Variants in TLK2 observed in about 807,000 individuals in gnomAD.
TLK2 encodes the protein serine/threonine-protein kinase tousled-like 2.
TLK2 carries 6 observed loss-of-function variants against 117.3 expected under a neutral mutation model. That is an observed-to-expected ratio of 0.05 (90% CI 0.03 to 0.10). The LOEUF (loss-of-function observed/expected upper bound fraction) is 0.10. Among genes scored for constraint, TLK2 ranks in the 10% least tolerant of loss-of-function variants. The pLI is 1.00. For synonymous variants in TLK2, 257 were observed against 316.7 expected (o/e 0.81, Z 2.00); for missense variants, 299 against 901.2 (o/e 0.33, Z 8.56).
At chr17:62,606,026 A>C (rs1021230403) in intron 19 of TLK2, 104 bp from the exon 20 acceptor site, 2 of 407,256 alleles carry the variant, frequency 4.9e-6, no homozygotes, top group Admixed American at 4.4e-5. Flanking sequence ...AAAAAAAAAA[A>C]CGATATTTCT....
intron 11 of TLK2, chr17:62,572,992 A>T: frequency 2.1e-6 from 1 of 471,742 alleles, no homozygotes; most frequent in Non-Finnish European, 3.8e-6. Context: ...TCCACTCTGA[A>T]AATAGTAATA....
At chr17:62,576,966 C>CTTTTTTTTTTTTTTTTT (rs59523807) in intron 13 of TLK2, among the ~76,000 whole-genome samples, 191 bp downstream of exon 13, 92 of 115,906 alleles carry the variant, frequency 7.9e-4, no homozygotes, top group Middle Eastern at 5.2e-3. Flanking sequence ...CTTTCTTCTT[C>CTTTTTTTTTTTTTTTTT]TTTTTTTTTT....
intron 2 of TLK2, among the ~76,000 whole-genome samples, chr17:62,484,043 C>T (rs1489064783): frequency 6.6e-6 from 1 of 151,878 alleles, no homozygotes; most frequent in African/African-American, 2.4e-5. Context: ...AGGCTGATCT[C>T]GAACTCCCGA....
intron 2 of TLK2, among the ~76,000 whole-genome samples, chr17:62,504,553 G>A (rs3095780): frequency 2.0e-3 from 312 of 152,252 alleles, no homozygotes; most frequent in African/African-American, 7.3e-3. Context: ...CCTATAATCT[G>A]TGCACTTTGG....
intron 5 of TLK2, among the ~76,000 whole-genome samples, chr17:62,523,553 G>T (rs1238508451): frequency 6.6e-6 from 1 of 152,178 alleles, no homozygotes; most frequent in Admixed American, 6.5e-5. Flanking sequence ...TCCAGCCTGG[G>T]TGACAGTGAG....
In TLK2 at chr17:62,576,739, A is replaced by G. The variant is rs763267512; in HGVS notation, c.1152A>G (p.Glu384=). Residue 384 remains glutamate (E), a synonymous_variant, in exon 13 of 22, where the codon GAA becomes GAG. Coordinates refer to ENST00000346027, the MANE Select transcript of TLK2 (RefSeq NM_006852.6). ...CGTTAGCAGAATACCATGAACAAGA[A>G]GAAATCTTCAAACTCAGATTAGGTC... The part of the protein sequence containing the change: ...TLTLAEYHEQ[E]EIFKLRLGHL... 6.2e-7 allele frequency: 1 copy of G among 1,613,658 alleles called. No individual in the cohort carries two copies. Among genetic ancestry groups the G allele is most frequent in the African/African-American group, 1.3e-5 (1 of 75,042 alleles).
chr17:62,541,636 C>T (rs935381727), intron 7 of TLK2, among the ~76,000 whole-genome samples: 11 of 152,120 alleles, frequency 7.2e-5, no homozygotes, highest in Non-Finnish European at 1.5e-4. Flanking sequence ...AGAGAGGTCT[C>T]GCTATGTTGC....
chr17:62,604,320 AAAG>A (rs1427709143), intron 19 of TLK2, among the ~76,000 whole-genome samples: 3 of 151,990 alleles, frequency 2.0e-5, no homozygotes, highest in African/African-American at 7.2e-5. Context: ...TACTTATTTT[AAAG>A]AAGTGACCCA....
chr17:62,484,588 G>A (rs1452700144), intron 2 of TLK2, among the ~76,000 whole-genome samples: 2 of 151,974 alleles, frequency 1.3e-5, no homozygotes, highest in Non-Finnish European at 2.9e-5. Flanking sequence ...GTGAGCCATC[G>A]CGCCCAGCCT....
chr17:62,508,882 C>T (rs1421917602), intron 2 of TLK2, among the ~76,000 whole-genome samples: 1 of 152,046 alleles, frequency 6.6e-6, no homozygotes, highest in African/African-American at 2.4e-5. Context: ...GCACAAGAAT[C>T]GCTTGAACCC....
chr17:62,520,985 C>CA, intron 3 of TLK2, 141 bp downstream of exon 3: 1 of 899,872 alleles, frequency 1.1e-6, no homozygotes, highest in South Asian at 1.5e-5. Flanking sequence ...CCAGCCTGGG[C>CA]AACATAGTGA....
chr17:62,482,516 C>A (rs192692245), intron 2 of TLK2, among the ~76,000 whole-genome samples: 38 of 149,762 alleles, frequency 2.5e-4, no homozygotes, highest in Admixed American at 9.4e-4. Flanking sequence ...GTGGCACAAT[C>A]TGGGCTCACT....
intron 12 of TLK2, chr17:62,574,348 C>A: frequency 6.5e-7 from 1 of 1,546,650 alleles, no homozygotes; most frequent in Non-Finnish European, 8.7e-7. Context: ...ATGCTAGGCC[C>A]TCTTCTGGGA....
At chr17:62,473,095 G>A (rs2070972145) in intron 1 of TLK2, among the ~76,000 whole-genome samples, 1 of 152,130 alleles carries the variant, frequency 6.6e-6, no homozygotes, top group Admixed American at 6.6e-5. Flanking sequence ...CTCCTGGTGT[G>A]TTTGCGTACA....
At chr17:62,529,017 C>G (rs953539283) in intron 6 of TLK2, among the ~76,000 whole-genome samples, 20 of 152,102 alleles carry the variant, frequency 1.3e-4, no homozygotes, top group Non-Finnish European at 1.5e-5. Context: ...TGTCTGAATC[C>G]ATAAACAAAA....
At chr17:62,612,342 AG>A in intron 21 of TLK2, 49 bp from the exon 22 acceptor site, 3 of 1,584,426 alleles carry the variant, frequency 1.9e-6, no homozygotes, top group Middle Eastern at 1.7e-4. Context: ...GGTTCCCTCC[AG>A]GGGTGCCAAG....
chr17:62,590,205 G>T (rs2081973894), intron 16 of TLK2, among the ~76,000 whole-genome samples: 1 of 151,170 alleles, frequency 6.6e-6, no homozygotes, highest in African/African-American at 2.4e-5. Flanking sequence ...GCGGAGGTGG[G>T]TGGATTGCCT....
At chr17:62,565,162 G>A in intron 11 of TLK2, 25 bp downstream of exon 11, 1 of 1,589,194 alleles carries the variant, frequency 6.3e-7, no homozygotes, top group Non-Finnish European at 8.5e-7. Flanking sequence ...ATGATTAAAT[G>A]GAGAATTGAA....
intron 2 of TLK2, among the ~76,000 whole-genome samples, chr17:62,498,285 T>C (rs1389954539): frequency 6.6e-6 from 1 of 152,214 alleles, no homozygotes; most frequent in Non-Finnish European, 1.5e-5. Context: ...TTATAATTCC[T>C]AGTTTTTAGG....
Sources: gnomAD v4.1 joint callset for allele counts (sites outside exome capture counted in the v4.1 genomes callset) on GRCh38, gnomAD v4.1.1 for gene constraint, MANE v1.5 for transcripts, NCBI Gene and HGNC (gene_info 2026-07-23, HGNC 2026-07-21) for gene names.